The following EXOC6B variants were observed in gnomAD, a reference collection of about 807,000 sequenced individuals.
EXOC6B encodes the protein SEC15 homolog B.
A neutral mutation model predicts 113.5 loss-of-function variants in EXOC6B; 54 were observed. The ratio of observed to expected loss-of-function variants is 0.48; its 90% confidence interval spans 0.38 to 0.60. EXOC6B has a LOEUF of 0.60. Ranked by LOEUF, EXOC6B falls within the 20% of genes least tolerant of loss-of-function variation. The pLI is 0.00. For synonymous variants in EXOC6B, 357 were observed against 339.0 expected (o/e 1.05, Z -0.58); for missense variants, 797 against 977.5 (o/e 0.82, Z 2.46).
intron 17 of EXOC6B, among the ~76,000 whole-genome samples, chr2:72,479,282 T>G (rs1016742833): frequency 4.6e-4 from 70 of 152,330 alleles, no homozygotes; most frequent in African/African-American, 1.7e-3. Flanking sequence ...TAAAGAATAC[T>G]TTCTGATTCA....
chr2:72,792,074 A>C (rs1436827587), intron 1 of EXOC6B, among the ~76,000 whole-genome samples: 1 of 152,240 alleles, frequency 6.6e-6, no homozygotes, highest in Non-Finnish European at 1.5e-5. Context: ...AAGTGGATAG[A>C]ATCCAATGTT....
At chr2:72,320,762 C>T (rs1323717476) in intron 20 of EXOC6B, among the ~76,000 whole-genome samples, 2 of 152,028 alleles carry the variant, frequency 1.3e-5, no homozygotes, top group African/African-American at 4.8e-5. Flanking sequence ...AAAACTTAAG[C>T]TTTTTGAAAG....
chr2:72,579,491 C>G (rs1705069245), intron 6 of EXOC6B, among the ~76,000 whole-genome samples: 1 of 152,100 alleles, frequency 6.6e-6, no homozygotes, highest in South Asian at 2.1e-4. Flanking sequence ...TGAGATTTGG[C>G]CCAATAAAAA....
chr2:72,781,864 C>T (rs966639204), intron 1 of EXOC6B, among the ~76,000 whole-genome samples: 3 of 152,018 alleles, frequency 2.0e-5, no homozygotes, highest in Non-Finnish European at 4.4e-5. Context: ...ATAGGCCAGG[C>T]GCAGTGGTTC....
At chr2:72,488,337 T>G (rs2105523958) in intron 16 of EXOC6B, among the ~76,000 whole-genome samples, 1 of 152,152 alleles carries the variant, frequency 6.6e-6, no homozygotes, top group South Asian at 2.1e-4. Flanking sequence ...CCTCTTTTCT[T>G]CTCCATCTTT....
At chr2:72,815,239 C>T (rs1015471603) in intron 1 of EXOC6B, among the ~76,000 whole-genome samples, 1 of 152,036 alleles carries the variant, frequency 6.6e-6, no homozygotes, top group Admixed American at 6.6e-5. Context: ...GCCTGTAATC[C>T]TAGCACTTTG....
intron 19 of EXOC6B, among the ~76,000 whole-genome samples, chr2:72,361,057 T>A (rs13393356): frequency 0.025 from 3,841 of 152,044 alleles, 170 homozygotes; most frequent in African/African-American, 0.087. Context: ...CCTTACTGAA[T>A]CTTGTCTTAT....
rs748214828 is a variant in EXOC6B, at chr2:72,825,869, T to G, written c.42A>C (p.Thr14=). 7.4e-6 allele frequency: 12 copies of G among 1,613,450 alleles called. 1 individual carries two copies. Among genetic ancestry groups the G allele is most frequent in the Middle Eastern group, 1.6e-4 (1 of 6,084 alleles). ...GKMAEAESLE[T]AAEHERILRE... ...GCAGGATCCGCTCGTGCTCTGCCGCTGTCTCCAGGCTCTCCGCCTCCGCCA... is the reference window on the plus strand; with the variant it reads ...GCAGGATCCGCTCGTGCTCTGCCGCGGTCTCCAGGCTCTCCGCCTCCGCCA... Residue 14 remains threonine (T), a synonymous_variant, in exon 1 of 22, where the codon ACA becomes ACC. Transcript: ENST00000272427. This position sits in a 1 kb window ranked among gnomAD's most constrained non-coding sequence, Gnocchi z 4.4.
At chr2:72,546,900 T>C (rs1003174713) in intron 8 of EXOC6B, among the ~76,000 whole-genome samples, 2 of 152,192 alleles carry the variant, frequency 1.3e-5, no homozygotes, top group South Asian at 2.1e-4. Context: ...TCAAATGGAA[T>C]TGGGGAAAGC....
chr2:72,260,448 C>G (rs183084068), intron 20 of EXOC6B, among the ~76,000 whole-genome samples: 1 of 152,316 alleles, frequency 6.6e-6, no homozygotes, highest in East Asian at 1.9e-4. Context: ...GTGTCATTAG[C>G]AAAACCTCTG....
At chr2:72,290,333 A>T (rs1286615182) in intron 20 of EXOC6B, among the ~76,000 whole-genome samples, 1 of 152,172 alleles carries the variant, frequency 6.6e-6, no homozygotes, top group Non-Finnish European at 1.5e-5. Flanking sequence ...TGACTAATAC[A>T]CTCACATATT....
At chr2:72,685,037 G>A (rs1676978189) in intron 6 of EXOC6B, among the ~76,000 whole-genome samples, 1 of 152,150 alleles carries the variant, frequency 6.6e-6, no homozygotes, top group East Asian at 1.9e-4. Context: ...GCATCCTGAA[G>A]TGTTTAGAGG....
chr2:72,593,307 A>G (rs1466487619), intron 6 of EXOC6B, among the ~76,000 whole-genome samples: 1 of 152,268 alleles, frequency 6.6e-6, no homozygotes, highest in East Asian at 1.9e-4. Flanking sequence ...GGAGGGAGTC[A>G]TCAGAACCCC....
intron 20 of EXOC6B, among the ~76,000 whole-genome samples, chr2:72,187,195 G>C (rs1678496000): frequency 1.3e-5 from 2 of 152,116 alleles, no homozygotes; most frequent in South Asian, 4.1e-4. Flanking sequence ...GCACCCAGAA[G>C]CTTGGAGATG....
chr2:72,525,831 G>A (rs1701723587), intron 8 of EXOC6B, among the ~76,000 whole-genome samples: 1 of 152,042 alleles, frequency 6.6e-6, no homozygotes, highest in African/African-American at 2.4e-5. Flanking sequence ...GGGTATGTGA[G>A]AACAGAAATA....
intron 19 of EXOC6B, among the ~76,000 whole-genome samples, chr2:72,344,206 G>T (rs2104916949): frequency 6.6e-6 from 1 of 151,976 alleles, no homozygotes; most frequent in East Asian, 1.9e-4. Flanking sequence ...GCTCAAATCT[G>T]CCTTTGAATC....
At chr2:72,296,761 G>T (rs1312617221) in intron 20 of EXOC6B, among the ~76,000 whole-genome samples, 1 of 152,102 alleles carries the variant, frequency 6.6e-6, no homozygotes, top group Non-Finnish European at 1.5e-5. Flanking sequence ...ATTAAGCAAA[G>T]GAAAATGCAA....
At chr2:72,327,778 T>C (rs1688210292) in intron 20 of EXOC6B, among the ~76,000 whole-genome samples, 2 of 152,114 alleles carry the variant, frequency 1.3e-5, no homozygotes, top group Admixed American at 1.3e-4. Flanking sequence ...CTAGAGCAGA[T>C]TCTCCTCCAA....
At chr2:72,511,755 C>G (rs1212087030) in intron 11 of EXOC6B, among the ~76,000 whole-genome samples, 1 of 152,072 alleles carries the variant, frequency 6.6e-6, no homozygotes, top group African/African-American at 2.4e-5. Context: ...TTACTTCACC[C>G]TATGTTCTAT....
Sources: allele counts gnomAD v4.1 joint callset (sites outside exome capture counted in the v4.1 genomes callset), GRCh38; gene constraint gnomAD v4.1.1; non-coding constraint Gnocchi (gnomAD v3.1); transcripts MANE v1.5; gene names NCBI Gene and HGNC (gene_info 2026-07-23, HGNC 2026-07-21).